DHX8: variants seen among roughly 807,000 people sequenced by gnomAD.
DHX8 encodes ATP-dependent RNA helicase DHX8.
Under a neutral mutation model 140.7 loss-of-function variants are expected in DHX8, and 67 were observed. The ratio of observed to expected loss-of-function variants is 0.48; its 90% CI spans 0.39 to 0.58. The LOEUF (loss-of-function observed/expected upper bound fraction) is 0.58. Among genes scored for constraint, DHX8 ranks in the 20% least tolerant of loss-of-function variants. The pLI is 0.00. For synonymous variants in DHX8, 533 were observed against 553.2 expected (o/e 0.96, Z 0.51); for missense variants, 887 against 1,550.7 (o/e 0.57, Z 7.19).
intron 3 of DHX8, among the ~76,000 whole-genome samples, chr17:43,542,234 C>T (rs1971562511): frequency 6.6e-6 from 1 of 152,090 alleles, no homozygotes; most frequent in Non-Finnish European, 1.5e-5. Flanking sequence ...AATCCATACA[C>T]CTTTATGTAT....
Position 43,523,995 on chromosome 17 carries a change from G to A in DHX8, c.*148G>A, listed in dbSNP as rs1970513025. The stretch of plus-strand genomic sequence containing the variant: ...ACTCGACTCTCATTTCTTCCCTGCT[G>A]GTAAAATAGAAACAGGGATTTAAAC... On this transcript the variant is annotated 3_prime_UTR_variant, in exon 23 of 23. Coordinates refer to ENST00000262415, the MANE Select transcript of DHX8 (RefSeq NM_004941.3). 5 of 1,446,130 alleles carry A rather than the reference G, an allele frequency of 3.5e-6. No individual in the cohort carries two copies. The East Asian group carries it at 1.2e-4, about 36-fold the overall frequency. The allele number at this position is 1,446,130 out of a possible 1,614,324, so 89.6% of individuals were successfully genotyped here. A position where few individuals can be genotyped will look rare whatever the true frequency, so the allele number is the denominator to read the frequency against.
Position 43,499,941 on chromosome 17 carries a change from C to T in DHX8, c.1399-15C>T. 2 of 1,608,946 alleles carry T rather than the reference C, an allele frequency of 1.2e-6. No homozygotes were observed. The highest frequency in any genetic ancestry group is 1.7e-6 in the Non-Finnish European group (2 of 1,178,448). ...GGACATTTAATCCATGTTGTTTTTT[C>T]TTCTGTTGCACCAGAACCCAGACGG... On this transcript the variant is annotated splice_polypyrimidine_tract_variant and intron_variant, in intron 10 of 22. Coordinates refer to ENST00000262415, the MANE Select transcript of DHX8 (RefSeq NM_004941.3).
At chr17:43,529,403 G>A (rs758417430), downstream of DHX8, 18 of 1,465,586 alleles carry the variant, frequency 1.2e-5, 1 homozygote, top group South Asian at 2.3e-4. Flanking sequence ...GTTAGGTAAA[G>A]CAAGAATCAT....
At chr17:43,486,235 A>ACAGTGTCTTTT (rs1487814603) in intron 1 of DHX8, among the ~76,000 whole-genome samples, 2 of 151,792 alleles carry the variant, frequency 1.3e-5, no homozygotes, top group Non-Finnish European at 2.9e-5. Context: ...AATGCAATAG[A>ACAGTGTCTTTT]CAGTGTCTTT....
downstream of DHX8, chr17:43,530,431 C>G (rs1598194683): frequency 1.4e-6 from 2 of 1,398,494 alleles, no homozygotes; most frequent in Non-Finnish European, 1.9e-6. Flanking sequence ...GGGGGCTGGG[C>G]AAGCTGTTCT....
At chr17:43,494,618 C>T (rs924483817) in intron 8 of DHX8, among the ~76,000 whole-genome samples, 2 of 149,420 alleles carry the variant, frequency 1.3e-5, no homozygotes, top group African/African-American at 4.9e-5. Context: ...CTACTCACGA[C>T]GCTGAGGCAG....
At chr17:43,511,548 C>T (rs1294763942) in intron 16 of DHX8, among the ~76,000 whole-genome samples, 1 of 132,454 alleles carries the variant, frequency 7.5e-6, no homozygotes, top group Non-Finnish European at 1.5e-5. Context: ...ACCTCTGCCT[C>T]CCAGGTTCAA....
Position 43,489,482 on chromosome 17 carries a change from C to A in DHX8, c.182C>A (p.Thr61Asn). ...EFVISLAEKN[T>N]TFDTFKASLV... ...GTGATCAGTCTTGCTGAGAAAAATA[C>A]CACCTTTGATACTTTTAAGGCTTCT... Residue 61 changes from threonine (T) to asparagine (N), a missense_variant, in exon 2 of 23, where the codon ACC (threonine) becomes AAC (asparagine). Around this residue, in one of 9 missense-constraint regions of DHX8, gnomAD observed 304 missense variants for 306.9 expected, o/e 0.99. Transcript: ENST00000262415. The A allele has an allele frequency of 6.2e-7, 1 of 1,610,636 alleles. No homozygotes were observed. The highest frequency in any genetic ancestry group is 2.2e-5 in the East Asian group (1 of 44,858).
chr17:43,506,960 C>A, intron 12 of DHX8, 43 bp from the exon 13 acceptor site: 1 of 1,435,742 alleles, frequency 7.0e-7, no homozygotes, highest in Non-Finnish European at 9.4e-7. Context: ...TATTTATATT[C>A]TGGCAGATTT....
chr17:43,534,006 G>A (rs1208019194), intron 2 of DHX8: 5 of 1,507,014 alleles, frequency 3.3e-6, no homozygotes, highest in Non-Finnish European at 4.4e-6. Context: ...GGAGGGGACA[G>A]AGCAAGGCCA....
intron 17 of DHX8, among the ~76,000 whole-genome samples, chr17:43,516,943 C>T (rs748452912): frequency 5.3e-5 from 8 of 152,130 alleles, no homozygotes; most frequent in Non-Finnish European, 7.3e-5. Context: ...CTTCCATTAA[C>T]CCTGCTTGTA....
Position 43,508,452 on chromosome 17 carries a change from G to A in DHX8, c.2434G>A (p.Val812Met). Residue 812 changes from valine (V) to methionine (M), a missense_variant, in exon 16 of 23, where the codon GTG (valine) becomes ATG (methionine). Around this residue, in one of 9 missense-constraint regions of DHX8, gnomAD observed 151 missense variants for 388.3 expected, o/e 0.39. Transcript: ENST00000262415. ...PDVPELIILP[V>M]YSALPSEMQT... ...TGTTCCAGAGTTAATTATCCTCCCA[G>A]TGTACTCTGCTCTTCCCAGTGAGAT... The A allele has an allele frequency of 1.2e-6, 2 of 1,613,848 alleles. No individual in the cohort carries two copies. The highest frequency in any genetic ancestry group is 1.7e-6 in the Non-Finnish European group (2 of 1,179,898).
Position 43,492,884 on chromosome 17 carries a change from A to AGGACCGGGAC in DHX8, c.708_717dup (p.Lys240GlyfsTer12), listed in dbSNP as rs1302172363. ...AGTCAGAGTCCCCCCAAAGACCGGA[A>AGGACCGGGAC]GGACCGGGACAAATATGGAGAGCGG... is the stretch of plus-strand genomic sequence containing the variant. On this transcript the variant is annotated frameshift_variant, in exon 6 of 23. Transcript: ENST00000262415. LOFTEE classifies it high-confidence loss of function. The AGGACCGGGAC allele has an allele frequency of 5.0e-6, 8 of 1,614,222 alleles. No homozygotes were observed. The highest frequency in any genetic ancestry group is 1.7e-5 in the Admixed American group (1 of 60,026).
chr17:43,487,004 A>C (rs1307407439), intron 1 of DHX8, among the ~76,000 whole-genome samples: 1 of 152,148 alleles, frequency 6.6e-6, no homozygotes, highest in Non-Finnish European at 1.5e-5. Flanking sequence ...ACATTTCTTG[A>C]AAGAATGTAG....
chr17:43,530,048 A>G (rs1402849660), downstream of DHX8: 12 of 1,608,616 alleles, frequency 7.5e-6, no homozygotes, highest in Non-Finnish European at 1.0e-5. Flanking sequence ...ACCCTCCCCC[A>G]TGGCAGCGCT....
At chr17:43,513,193 C>T (rs1164735308) in intron 16 of DHX8, among the ~76,000 whole-genome samples, 169 bp from the exon 17 acceptor site, 1 of 152,128 alleles carries the variant, frequency 6.6e-6, no homozygotes, top group East Asian at 1.9e-4. Flanking sequence ...GCAGAAGGTA[C>T]CTCCCTTCTG....
chr17:43,509,920 C>A (rs1055081023), intron 16 of DHX8, among the ~76,000 whole-genome samples: 1 of 152,166 alleles, frequency 6.6e-6, no homozygotes, highest in Non-Finnish European at 1.5e-5. Context: ...CTGCCGGTCT[C>A]GGCCTCCCAA....
At chr17:43,534,549 T>G (rs1971135218) in intron 2 of DHX8, among the ~76,000 whole-genome samples, 1 of 152,096 alleles carries the variant, frequency 6.6e-6, no homozygotes, top group Non-Finnish European at 1.5e-5. Context: ...AGAAAACACT[T>G]TCAAGGAGTG....
exon 4 of DHX8, chr17:43,544,199 C>G (rs2154587306): frequency 6.5e-6 from 1 of 152,782 alleles, no homozygotes; most frequent in Non-Finnish European, 1.5e-5. Context: ...CCAAAACGCA[C>G]TGAAGAATCC....
Sources: allele counts gnomAD v4.1 joint callset (sites outside exome capture counted in the v4.1 genomes callset), GRCh38; gene constraint gnomAD v4.1.1; regional missense constraint gnomAD v4.1.1; transcripts MANE v1.5; gene names NCBI Gene and HGNC (gene_info 2026-07-23, HGNC 2026-07-21).